Variants in RBFOX3 observed in about 807,000 individuals in gnomAD.
The protein encoded by RBFOX3 is RNA binding protein fox-1 homolog 3.
RBFOX3 carries 17 observed loss-of-function variants against 48.7 expected under a neutral mutation model. That is an observed-to-expected ratio of 0.35 (90% CI 0.24 to 0.52). RBFOX3 has a LOEUF of 0.52. Among genes scored for constraint, RBFOX3 ranks in the 20% least tolerant of loss-of-function variants. The pLI, the probability that RBFOX3 is intolerant of heterozygous loss-of-function variation, is 0.94. For synonymous variants in RBFOX3, 212 were observed against 209.5 expected, an observed-to-expected ratio of 1.01 and a Z score of -0.10; for missense variants, 382 against 497.5, an observed-to-expected ratio of 0.77 and a Z score of 2.21.
intron 1 of RBFOX3, among the ~76,000 whole-genome samples, chr17:79,484,672 G>A (rs2079299314): frequency 6.6e-6 from 1 of 152,156 alleles, no homozygotes; most frequent in Non-Finnish European, 1.5e-5. Flanking sequence ...CCAGGAAGGG[G>A]CTGGCCTGGT....
intron 4 of RBFOX3, among the ~76,000 whole-genome samples, chr17:79,141,707 G>A (rs2041951321): frequency 6.6e-6 from 1 of 152,170 alleles, no homozygotes; most frequent in South Asian, 2.1e-4. Flanking sequence ...TGGGGGTCCT[G>A]TTTCCTCATC....
At chr17:79,440,656 C>T (rs1275589222) in intron 2 of RBFOX3, among the ~76,000 whole-genome samples, 2 of 152,206 alleles carry the variant, frequency 1.3e-5, no homozygotes, top group Non-Finnish European at 2.9e-5. Flanking sequence ...CCATGCCCCT[C>T]GCACCCCAAC....
chr17:79,538,384 C>A (rs1433247014), intron 1 of RBFOX3, among the ~76,000 whole-genome samples: 1 of 152,208 alleles, frequency 6.6e-6, no homozygotes, highest in Non-Finnish European at 1.5e-5. Flanking sequence ...CCCTTCTATG[C>A]CCCTTTCCTC....
At position 79,421,765 on chromosome 17, in the gene RBFOX3, T is replaced by G. The variant is rs2066424586; in HGVS notation, c.-175+60689A>C. On this transcript the variant is annotated intron_variant, in intron 2 of 14. Coordinates refer to ENST00000693108, the MANE Select transcript of RBFOX3 (RefSeq NM_001350451.2). This position sits in a 1 kb window ranked among gnomAD's most constrained non-coding sequence, Gnocchi z 4.5. Reference sequence around the variant, plus strand: ...GCAGCAGCCATGCTCTCTCCTCCTGTGGTGGGGAGGTCTCCTTGAGGCCTT... The same window carrying G: ...GCAGCAGCCATGCTCTCTCCTCCTGGGGTGGGGAGGTCTCCTTGAGGCCTT... 6.6e-6 allele frequency among the ~76,000 whole-genome samples: 1 copy of G among 151,970 alleles called. No homozygotes were observed. The highest frequency in any genetic ancestry group is 2.4e-5 in the African/African-American group (1 of 41,368).
chr17:79,113,385 T>G (rs1362232955), intron 5 of RBFOX3, among the ~76,000 whole-genome samples: 1 of 152,110 alleles, frequency 6.6e-6, no homozygotes, highest in Non-Finnish European at 1.5e-5. Flanking sequence ...TGCCGTAACT[T>G]CTGCCTGCAG....
chr17:79,508,867 C>T (rs1598987707), intron 1 of RBFOX3: 1 of 152,452 alleles, frequency 6.6e-6, no homozygotes, highest in East Asian at 1.9e-4. Context: ...CCCTCGGCTT[C>T]TACAGGGCAC....
intron 2 of RBFOX3, among the ~76,000 whole-genome samples, chr17:79,321,087 G>A (rs2078455945): frequency 6.6e-6 from 1 of 152,214 alleles, no homozygotes; most frequent in African/African-American, 2.4e-5. Flanking sequence ...GTGCCACGAG[G>A]CAGCTCAGTG....
intron 1 of RBFOX3, among the ~76,000 whole-genome samples, chr17:79,494,838 C>A (rs1003683362): frequency 1.3e-5 from 2 of 152,156 alleles, no homozygotes; most frequent in African/African-American, 2.4e-5. Context: ...AGCATCCGGT[C>A]CAGGGCCACA....
In RBFOX3 at chr17:79,477,423, G is replaced by A. The variant is rs1215262958; in HGVS notation, c.-175+5031C>T. Reference sequence around the variant, plus strand: ...TACAAAACATTAGCCAGACGTGGTGGCGGGCGCCTGTAGTCCCAGCTACTT... The same window carrying A: ...TACAAAACATTAGCCAGACGTGGTGACGGGCGCCTGTAGTCCCAGCTACTT... On this transcript the variant is annotated intron_variant, in intron 2 of 14. Transcript: ENST00000693108. The surrounding 1 kb of genome is among the most constrained non-coding windows in gnomAD (Gnocchi z 4.8). Among the ~76,000 whole-genome samples, 5 of 151,842 alleles carry A rather than the reference G, an allele frequency of 3.3e-5. No homozygotes were observed. Among genetic ancestry groups the A allele is most frequent in the East Asian group, 3.9e-4 (2 of 5,180 alleles).
Position 79,243,092 on chromosome 17 carries a change from G to A in RBFOX3, c.-73-7287C>T, listed in dbSNP as rs1276442499. On this transcript the variant is annotated intron_variant, in intron 3 of 14. Transcript: ENST00000693108. This position sits in a 1 kb window ranked among gnomAD's most constrained non-coding sequence, Gnocchi z 7.9. ...ATTTCAGCTTTACAACCACCCTAGG[G>A]GGCAGGTACTATGATCACTTCCAGT... 2.0e-5 allele frequency among the ~76,000 whole-genome samples: 3 copies of A among 152,124 alleles called. No homozygotes were observed. Among genetic ancestry groups the A allele is most frequent in the East Asian group, 3.9e-4 (2 of 5,192 alleles).
At chr17:79,630,609 G>C in the RBFOX3 span, among the ~76,000 whole-genome samples, 2 of 152,068 alleles carry the variant, frequency 1.3e-5, no homozygotes, top group African/African-American at 2.4e-5. Flanking sequence ...CCCTCATCAG[G>C]GGCTTCTCAG....
In RBFOX3 at chr17:79,214,602, G is replaced by A. The variant is rs1304133049; in HGVS notation, c.-34+21164C>T. ...GGAAGCAGGAAGGGTTGGCCTCTGT[G>A]GCTGTCCAGGGAGAGAGAGGAGGAG... On this transcript the variant is annotated intron_variant, in intron 4 of 14. Transcript: ENST00000693108. This position sits in a 1 kb window ranked among gnomAD's most constrained non-coding sequence, Gnocchi z 4.7. 6.6e-6 allele frequency among the ~76,000 whole-genome samples: 1 copy of A among 151,980 alleles called. No homozygotes were observed. The highest frequency in any genetic ancestry group is 1.5e-5 in the Non-Finnish European group (1 of 67,988).
intron 14 of RBFOX3, among the ~76,000 whole-genome samples, chr17:79,093,526 T>G (rs956953950): frequency 2.1e-5 from 3 of 141,236 alleles, no homozygotes; most frequent in South Asian, 2.3e-4. Flanking sequence ...CTGCTGGGGG[T>G]GTCTGAGGCT....
intron 4 of RBFOX3, among the ~76,000 whole-genome samples, chr17:79,203,835 G>A (rs76512047): frequency 0.021 from 3,153 of 152,174 alleles, 105 homozygotes; most frequent in African/African-American, 0.073. Flanking sequence ...TATACCAATT[G>A]TACCAATTAC....
At chr17:79,605,579 C>T (rs924578352) in intron 1 of RBFOX3, among the ~76,000 whole-genome samples, 2 of 152,306 alleles carry the variant, frequency 1.3e-5, no homozygotes, top group African/African-American at 2.4e-5. Context: ...GCGGTTGCTC[C>T]GCCTAGGCCT....
chr17:79,608,964 C>T (rs1366426018), intron 1 of RBFOX3, among the ~76,000 whole-genome samples: 1 of 150,786 alleles, frequency 6.6e-6, no homozygotes, highest in Non-Finnish European at 1.5e-5. Flanking sequence ...ACCCCGCCGG[C>T]GCTCAGTGAC....
chr17:79,420,154 CACACACACACACACACACACAA>C (rs1555721454), intron 2 of RBFOX3, among the ~76,000 whole-genome samples: 6 of 151,278 alleles, frequency 4.0e-5, no homozygotes, highest in Non-Finnish European at 7.4e-5. Flanking sequence ...CACACACACA[CACACACACACACACACACACAA>C]AAGATGGTTA....
intron 4 of RBFOX3, among the ~76,000 whole-genome samples, chr17:79,151,107 C>T (rs546169282): frequency 1.1e-3 from 172 of 152,276 alleles, no homozygotes; most frequent in African/African-American, 4.0e-3. Flanking sequence ...ACAATAAATG[C>T]AGCTCTTGGC....
At chr17:79,357,049 C>G (rs1281391452) in intron 2 of RBFOX3, among the ~76,000 whole-genome samples, 1 of 152,202 alleles carries the variant, frequency 6.6e-6, no homozygotes, top group Non-Finnish European at 1.5e-5. Context: ...GAGCCGGTGC[C>G]CTCCATGTGG....
Sources: gnomAD v4.1 joint callset for allele counts (sites outside exome capture counted in the v4.1 genomes callset) on GRCh38, gnomAD v4.1.1 for gene constraint, Gnocchi (gnomAD v3.1) non-coding constraint, MANE v1.5 for transcripts, NCBI Gene and HGNC (gene_info 2026-07-23, HGNC 2026-07-21) for gene names.